Variants in CSMD2 observed in about 807,000 individuals in gnomAD.
The protein encoded by CSMD2 is CUB and Sushi multiple domains 2, also known as CUB and sushi domain-containing protein 2.
A neutral mutation model predicts 398.5 loss-of-function variants in CSMD2; 130 were observed. The observed-to-expected ratio is 0.33, with a 90% CI of 0.28 to 0.38. The LOEUF is 0.38. Among genes scored for constraint, CSMD2 ranks in the 10% least tolerant of loss-of-function variants. The pLI is 1.00. For missense variants in CSMD2, 3,829 were observed against 4,764.9 expected (o/e 0.80, Z 5.78); for synonymous variants, 1,828 against 1,908.5 (o/e 0.96, Z 1.10).
intron 56 of CSMD2, 24 bp from the exon 57 acceptor site, chr1:33,546,243 C>A (rs756521164): frequency 6.3e-7 from 1 of 1,592,526 alleles, no homozygotes; most frequent in East Asian, 2.3e-5. Flanking sequence ...CCACACAAAT[C>A]CCATTATTTT....
intron 2 of CSMD2, among the ~76,000 whole-genome samples, chr1:34,069,812 C>T (rs1230295846): frequency 1.3e-5 from 2 of 152,166 alleles, no homozygotes; most frequent in Admixed American, 6.5e-5. Context: ...GCACATCCAC[C>T]AGGAGCATGA....
At chr1:33,590,893 G>A (rs1398852663) in intron 44 of CSMD2, among the ~76,000 whole-genome samples, 1 of 151,944 alleles carries the variant, frequency 6.6e-6, no homozygotes, top group Non-Finnish European at 1.5e-5. Context: ...GCCATTGTGA[G>A]CAATGGTCCC....
intron 5 of CSMD2, chr1:33,864,734 A>G (rs1639851438): frequency 6.2e-6 from 10 of 1,610,976 alleles, no homozygotes; most frequent in Non-Finnish European, 8.5e-6. Context: ...GCAGAGGGAA[A>G]AGAGTCAGGC....
chr1:33,617,270 C>T (rs377344550), intron 38 of CSMD2, among the ~76,000 whole-genome samples: 10 of 152,214 alleles, frequency 6.6e-5, no homozygotes, highest in African/African-American at 2.4e-4. Flanking sequence ...TCCCTAAAGC[C>T]GAATCAAACC....
chr1:33,756,856 A>G (rs1466992531), intron 13 of CSMD2, among the ~76,000 whole-genome samples: 2 of 152,204 alleles, frequency 1.3e-5, no homozygotes, highest in Non-Finnish European at 2.9e-5. Flanking sequence ...ACACATGCAC[A>G]CGTATGTTTA....
chr1:33,864,305 TAA>T, intron 5 of CSMD2: 1 of 1,613,878 alleles, frequency 6.2e-7, no homozygotes, highest in South Asian at 1.1e-5. Flanking sequence ...ATGTTGGCTT[TAA>T]AGAGTTCTCT....
intron 10 of CSMD2, among the ~76,000 whole-genome samples, chr1:33,799,783 C>A (rs12737807): frequency 0.44 from 67,423 of 152,012 alleles, 16,461 homozygotes; most frequent in East Asian, 0.65. Flanking sequence ...GCATGAGACC[C>A]GGAGGGAACC....
intron 3 of CSMD2, among the ~76,000 whole-genome samples, chr1:34,014,416 C>T (rs547628987): frequency 2.3e-3 from 354 of 152,342 alleles, no homozygotes; most frequent in Middle Eastern, 6.8e-3. Flanking sequence ...TCCTACCACT[C>T]GTCTCCCTCA....
upstream of CSMD2, chr1:34,165,801 T>C: frequency 3.7e-6 from 6 of 1,613,874 alleles, no homozygotes; most frequent in Non-Finnish European, 4.2e-6. Flanking sequence ...GGGGCGATGC[T>C]TATGAGCCTC....
intron 25 of CSMD2, among the ~76,000 whole-genome samples, chr1:33,679,718 T>C (rs1217778903): frequency 1.3e-5 from 2 of 152,202 alleles, no homozygotes. Context: ...TTTTATTTTT[T>C]ACTTGACTAA....
At chr1:33,747,301 T>C (rs1478807512) in intron 13 of CSMD2, among the ~76,000 whole-genome samples, 3 of 152,192 alleles carry the variant, frequency 2.0e-5, no homozygotes, top group African/African-American at 2.4e-5. Context: ...ACAGAAAATA[T>C]AAGACGTTAT....
At chr1:33,778,257 G>T (rs763921438) in intron 12 of CSMD2, among the ~76,000 whole-genome samples, 5 of 152,022 alleles carry the variant, frequency 3.3e-5, no homozygotes, top group Non-Finnish European at 7.4e-5. Context: ...GTGCAGTGGT[G>T]CTATCACAGC....
At chr1:33,779,661 T>A (rs1443057835) in intron 12 of CSMD2, among the ~76,000 whole-genome samples, 2 of 152,208 alleles carry the variant, frequency 1.3e-5, no homozygotes, top group Non-Finnish European at 2.9e-5. Context: ...GCAAGTGCAT[T>A]CCCATGTGGG....
chr1:33,830,877 G>A (rs999547679), intron 6 of CSMD2, among the ~76,000 whole-genome samples: 1 of 152,212 alleles, frequency 6.6e-6, no homozygotes, highest in African/African-American at 2.4e-5. Context: ...GAAGCCTCAG[G>A]AGCTGAAGTG....
intron 5 of CSMD2, among the ~76,000 whole-genome samples, chr1:33,904,714 G>T (rs1330898929): frequency 6.7e-6 from 1 of 150,244 alleles, no homozygotes; most frequent in African/African-American, 2.5e-5. Context: ...GCCCAGGCTG[G>T]AGTGCAGTGG....
At chr1:33,525,927 G>A (rs529077238) in intron 65 of CSMD2, among the ~76,000 whole-genome samples, 6 of 152,164 alleles carry the variant, frequency 3.9e-5, no homozygotes, top group Admixed American at 2.6e-4. Context: ...CAGGTGATCC[G>A]CCCACCTTGG....
chr1:33,674,874 A>G (rs1644645872), intron 25 of CSMD2, among the ~76,000 whole-genome samples: 1 of 152,228 alleles, frequency 6.6e-6, no homozygotes, highest in African/African-American at 2.4e-5. Context: ...TACATAACGA[A>G]ATGAAGGCAG....
At chr1:33,730,737 T>C (rs1423512461) in intron 15 of CSMD2, among the ~76,000 whole-genome samples, 1 of 152,176 alleles carries the variant, frequency 6.6e-6, no homozygotes, top group East Asian at 1.9e-4. Flanking sequence ...TTAATGGTGT[T>C]GGGAACTGGG....
chr1:33,638,878 G>A (rs1642953983), intron 29 of CSMD2, among the ~76,000 whole-genome samples: 2 of 152,036 alleles, frequency 1.3e-5, no homozygotes, highest in Admixed American at 6.6e-5. Flanking sequence ...CTCTCTCATC[G>A]ACTCTATATT....
Sources: gnomAD v4.1 joint callset for allele counts (sites outside exome capture counted in the v4.1 genomes callset) on GRCh38, gnomAD v4.1.1 for gene constraint, MANE v1.5 for transcripts, NCBI Gene and HGNC (gene_info 2026-07-23, HGNC 2026-07-21) for gene names.